The following PROC variants were observed in gnomAD, a reference collection of about 807,000 sequenced individuals.
The protein encoded by PROC is protein C, inactivator of coagulation factors Va and VIIIa.
In PROC, 22 loss-of-function variants were observed where a neutral mutation model predicts 36.3. That is an observed-to-expected ratio of 0.61 (90% confidence interval 0.43 to 0.86). The LOEUF (loss-of-function observed/expected upper bound fraction) is 0.86, where lower values mean the gene tolerates loss of function less well. Among genes scored for constraint, PROC ranks in the 40% least tolerant of loss-of-function variants. PROC has a pLI of 0.00. For missense variants in PROC, 526 were observed against 629.7 expected (o/e 0.84, Z 1.76); for synonymous variants, 218 against 244.5 (o/e 0.89, Z 1.01).
rs116169054 is a variant in PROC at position 127,418,481 on chromosome 2, C to T, written c.-33C>T. 1.7e-3 allele frequency: 2,209 copies of T among 1,289,792 alleles called. 26 individuals are homozygous for T. In the African/African-American group the frequency reaches 0.028, roughly 17 times the overall value. 79.9% of individuals were successfully genotyped at this position (1,289,792 alleles called of 1,614,324 possible). A position where few individuals can be genotyped will look rare whatever the true frequency, so the allele number is the denominator to read the frequency against. ...GGACGGCGAACTTGCAGTATCTCCA[C>T]GACCCGCCCCTGTGAGTCCCCCTCC... is the stretch of plus-strand genomic sequence containing the variant. On this transcript the variant is annotated 5_prime_UTR_variant, in exon 1 of 9. The change creates a new upstream start codon in the 5' untranslated region. Transcript: ENST00000234071. The surrounding 1 kb of genome is among the most constrained non-coding windows in gnomAD (Gnocchi z 4.8).
chr2:127,419,727 T>G, intron 1 of PROC, 195 bp from the exon 2 acceptor site: 3 of 1,302,976 alleles, frequency 2.3e-6, no homozygotes, highest in East Asian at 2.6e-5. Context: ...GCAGGCAGTG[T>G]GAGCTCAGCC....
chr2:127,427,543 CACCCTTG>C (rs1174432419), intron 8 of PROC, among the ~76,000 whole-genome samples: 1 of 152,138 alleles, frequency 6.6e-6, no homozygotes, highest in Non-Finnish European at 1.5e-5. Context: ...TGGGCCTCAG[CACCCTTG>C]GGTGCAGAGA....
chr2:127,423,877 CCT>C (rs908125147), intron 6 of PROC, among the ~76,000 whole-genome samples: 19 of 152,344 alleles, frequency 1.2e-4, no homozygotes, highest in Non-Finnish European at 2.8e-4. Flanking sequence ...TCTATATTTT[CCT>C]TTTTATGCAT....
rs1368868967 is a variant in PROC, at chr2:127,418,681, T to C, written c.-22+189T>C. 3.9e-5 allele frequency among the ~76,000 whole-genome samples: 6 copies of C among 152,150 alleles called. 1 individual carries two copies. Among genetic ancestry groups the C allele is most frequent in the Admixed American group, 3.9e-4 (6 of 15,278 alleles). ...GCCACAGTCTCAGGTCCCTTTGCCA[T>C]GCGCCTCCCTCTTTCCAGGCCAAGG... On this transcript the variant is annotated intron_variant, in intron 1 of 8. Coordinates refer to ENST00000234071, the MANE Select transcript of PROC (RefSeq NM_000312.4). The surrounding 1 kb of genome is among the most constrained non-coding windows in gnomAD (Gnocchi z 4.8).
At position 127,418,811 on chromosome 2, in the gene PROC, C is replaced by T. The variant is rs1558710094; in HGVS notation, c.-22+319C>T. Among the ~76,000 whole-genome samples, 1 of 152,218 alleles carries T rather than the reference C, an allele frequency of 6.6e-6. No homozygotes were observed. Among genetic ancestry groups the T allele is most frequent in the Non-Finnish European group, 1.5e-5 (1 of 68,044 alleles). On this transcript the variant is annotated intron_variant, in intron 1 of 8. Transcript: ENST00000234071. The surrounding 1 kb of genome is among the most constrained non-coding windows in gnomAD (Gnocchi z 4.8). ...GGGGGTGTCGGATTTGAACAAATCTCAGAAGTGGCCTCAGAGGGAGTCGGC... is the reference window on the plus strand; with the variant it reads ...GGGGGTGTCGGATTTGAACAAATCTTAGAAGTGGCCTCAGAGGGAGTCGGC...
chr2:127,424,876 C>T (rs1021873655), intron 6 of PROC, among the ~76,000 whole-genome samples: 3 of 152,182 alleles, frequency 2.0e-5, no homozygotes, highest in Non-Finnish European at 4.4e-5. Flanking sequence ...AGGACTCCTC[C>T]AAGCTCTTGG....
At chr2:127,419,873 G>A in intron 1 of PROC, 49 bp from the exon 2 acceptor site, 1 of 1,613,170 alleles carries the variant, frequency 6.2e-7, no homozygotes, top group Non-Finnish European at 8.5e-7. Context: ...GGTGCAGGCA[G>A]AGCAGCAGCG....
chr2:127,422,852 C>G, intron 3 of PROC, 65 bp from the exon 4 acceptor site: 1 of 1,540,724 alleles, frequency 6.5e-7, no homozygotes, highest in Non-Finnish European at 8.7e-7. Context: ...CTGCCCTGCC[C>G]CACCCGGGCG....
chr2:127,428,233 G>T, intron 8 of PROC, 124 bp from the exon 9 acceptor site: 2 of 935,574 alleles, frequency 2.1e-6, no homozygotes, highest in Non-Finnish European at 3.3e-6. Flanking sequence ...CACAGTCTCC[G>T]GGTGAACCTT....
At chr2:127,428,278 G>A (rs1256844502) in intron 8 of PROC, 79 bp from the exon 9 acceptor site, 7 of 1,374,436 alleles carry the variant, frequency 5.1e-6, no homozygotes, top group East Asian at 2.4e-5. Flanking sequence ...CAGGGGCACA[G>A]CAGTGGGTGG....
Position 127,423,014 on chromosome 2 carries a change from T to C in PROC, c.263-20T>C, listed in dbSNP as rs943389448. On this transcript the variant is annotated intron_variant, in intron 4 of 8. Coordinates refer to ENST00000234071, the MANE Select transcript of PROC (RefSeq NM_000312.4). ...TCGGGATCTCTGGCCGCTGACCCCCTACCCCGCCTTGTGTCGCAGACGGTG... is the reference window on the plus strand; with the variant it reads ...TCGGGATCTCTGGCCGCTGACCCCCCACCCCGCCTTGTGTCGCAGACGGTG... 1 of 1,612,384 alleles carries C rather than the reference T, an allele frequency of 6.2e-7. No individual in the cohort carries two copies. Among genetic ancestry groups the C allele is most frequent in the Non-Finnish European group, 8.5e-7 (1 of 1,179,774 alleles).
At chr2:127,427,063 C>CAGG in intron 7 of PROC, 42 bp from the exon 8 acceptor site, 1 of 1,567,906 alleles carries the variant, frequency 6.4e-7, no homozygotes, top group South Asian at 1.1e-5. Flanking sequence ...TGGAGGCTGT[C>CAGG]AGGAGGCAGC....
chr2:127,418,615 G>C lies in PROC; in HGVS notation c.-22+123G>C. 1.1e-6 allele frequency: 1 copy of C among 923,648 alleles called. No homozygotes were observed. Among genetic ancestry groups the C allele is most frequent in the Non-Finnish European group, 1.5e-6 (1 of 664,772 alleles). The allele number at this position is 923,648 out of a possible 1,614,324, so 57.2% of individuals were successfully genotyped here. Reference sequence around the variant, plus strand: ...AGGGTGCTCAACAAGCCTGAGCTTGGGGTGAAAGGACACAAGGCCCTCCAC... The same window carrying C: ...AGGGTGCTCAACAAGCCTGAGCTTGCGGTGAAAGGACACAAGGCCCTCCAC... On this transcript the variant is annotated intron_variant, in intron 1 of 8. Transcript: ENST00000234071. This position sits in a 1 kb window ranked among gnomAD's most constrained non-coding sequence, Gnocchi z 4.8.
chr2:127,418,439 AGGCT>A lies in PROC; in HGVS notation c.-73_-70del. The stretch of plus-strand genomic sequence containing the variant: ...GTGGTTATGGATTAACTCGAACTCC[AGGCT>A]GTCATGGCGGCAGGACGGCGAACTT... On this transcript the variant is annotated 5_prime_UTR_variant, in exon 1 of 9. Transcript: ENST00000234071. This position sits in a 1 kb window ranked among gnomAD's most constrained non-coding sequence, Gnocchi z 4.8. The A allele has an allele frequency of 7.8e-7, 1 of 1,289,824 alleles. No individual in the cohort carries two copies. Among genetic ancestry groups the A allele is most frequent in the Non-Finnish European group, 1.0e-6 (1 of 988,860 alleles). The allele number at this position is 1,289,824 out of a possible 1,614,324, so 79.9% of individuals were successfully genotyped here.
chr2:127,419,792 A>AC, intron 1 of PROC, 130 bp from the exon 2 acceptor site: 1 of 1,541,966 alleles, frequency 6.5e-7, no homozygotes, highest in East Asian at 2.4e-5. Flanking sequence ...GCGAACAAGG[A>AC]CCCTCAATCC....
chr2:127,428,806 C>T lies in PROC; in HGVS notation c.1246C>T (p.Leu416=). The change falls in exon 9 of 9, where the codon CTG becomes TTG. Residue 416 remains leucine (L), a synonymous_variant. Transcript: ENST00000234071. ...CGCCTCCTTCCACGGCACCTGGTTC[C>T]TGGTGGGCCTGGTGAGCTGGGGTGA... ...MVASFHGTWF[L]VGLVSWGEGC... 1 of 1,612,106 alleles carries T rather than the reference C, an allele frequency of 6.2e-7. No individual in the cohort carries two copies.
At position 127,427,233 on chromosome 2, in the gene PROC, G is replaced by A. The variant is rs754469744; in HGVS notation, c.796+11G>A. 6.2e-7 allele frequency: 1 copy of A among 1,609,274 alleles called. No individual in the cohort carries two copies. Among genetic ancestry groups the A allele is most frequent in the Non-Finnish European group, 8.5e-7 (1 of 1,177,580 alleles). On this transcript the variant is annotated intron_variant, in intron 8 of 8. Coordinates refer to ENST00000234071, the MANE Select transcript of PROC (RefSeq NM_000312.4). ...TCCTTGTCAGGCTTGGTATGGGCTG[G>A]AGCCAGGCAGAAGGGGGCTGCCAGA...
chr2:127,418,935 G>A lies in PROC; in HGVS notation c.-22+443G>A, dbSNP rs372009652. ...CTCTGGCCACCAGGGCTATCTCTGT[G>A]GCCTTTTGGAGCACCTGGTGGTTTG... On this transcript the variant is annotated intron_variant, in intron 1 of 8. Coordinates refer to ENST00000234071, the MANE Select transcript of PROC (RefSeq NM_000312.4). The surrounding 1 kb of genome is among the most constrained non-coding windows in gnomAD (Gnocchi z 4.8). 2.0e-5 allele frequency among the ~76,000 whole-genome samples: 3 copies of A among 152,190 alleles called. No homozygotes were observed. The highest frequency in any genetic ancestry group is 7.2e-5 in the African/African-American group (3 of 41,436).
chr2:127,422,810 G>A, intron 3 of PROC, 107 bp from the exon 4 acceptor site: 1 of 1,449,716 alleles, frequency 6.9e-7, no homozygotes, highest in Non-Finnish European at 9.4e-7. Flanking sequence ...CTGTTTGTCT[G>A]GAAGCCCTCC....
Sources: gnomAD v4.1 joint callset for allele counts (sites outside exome capture counted in the v4.1 genomes callset) on GRCh38, gnomAD v4.1.1 for gene constraint, Gnocchi (gnomAD v3.1) non-coding constraint, MANE v1.5 for transcripts, NCBI Gene and HGNC (gene_info 2026-07-23, HGNC 2026-07-21) for gene names.